SREK1IP1: variants seen among roughly 807,000 people sequenced by gnomAD.
SREK1IP1 encodes the protein SREK1 interacting protein 1.
In SREK1IP1, 12 loss-of-function variants were observed where a neutral mutation model predicts 22.8. That is an observed-to-expected ratio of 0.53 (90% confidence interval 0.34 to 0.85). SREK1IP1 has a LOEUF of 0.85. Among genes scored for constraint, SREK1IP1 ranks in the 40% least tolerant of loss-of-function variants. The pLI, the probability that SREK1IP1 is intolerant of heterozygous loss-of-function variation, is 0.02. For synonymous variants in SREK1IP1, 53 were observed against 52.7 expected (o/e 1.01, Z -0.02); for missense variants, 147 against 171.8 (o/e 0.86, Z 0.81).
chr5:64,757,679 G>T (rs889957308), intron 1 of SREK1IP1, among the ~76,000 whole-genome samples: 1 of 151,972 alleles, frequency 6.6e-6, no homozygotes, highest in Non-Finnish European at 1.5e-5. Context: ...ACTTTTCATG[G>T]ATTTCTTATT....
intron 1 of SREK1IP1, among the ~76,000 whole-genome samples, chr5:64,766,890 A>G (rs1172848904): frequency 6.6e-6 from 1 of 152,240 alleles, no homozygotes; most frequent in Non-Finnish European, 1.5e-5. Flanking sequence ...AGTATCTGAC[A>G]TATTTGACTT....
At chr5:64,756,535 C>T (rs275823) in intron 1 of SREK1IP1, among the ~76,000 whole-genome samples, 95,156 of 152,182 alleles carry the variant, frequency 0.63, 31,616 homozygotes, top group African/African-American at 0.87. Flanking sequence ...ATTGTATGCA[C>T]ATATAGTTAA....
chr5:64,767,180 T>C (rs1172457442), intron 1 of SREK1IP1, among the ~76,000 whole-genome samples: 1 of 152,164 alleles, frequency 6.6e-6, no homozygotes, highest in Non-Finnish European at 1.5e-5. Context: ...CAGTCTCCTC[T>C]CCCTTCAAGC....
rs1186653493 is a variant in SREK1IP1, at chr5:64,727,553, A to ATTTTTTTTTTTT, written c.278+542_278+553dup. 3.4e-4 allele frequency: 29 copies of ATTTTTTTTTTTT among 84,674 alleles called. 1 individual carries two copies. Among genetic ancestry groups the ATTTTTTTTTTTT allele is most frequent in the African/African-American group, 1.6e-3 (29 of 18,214 alleles). 5.2% of individuals were successfully genotyped at this position (84,674 alleles called of 1,614,324 possible). On this transcript the variant is annotated intron_variant, in intron 4 of 4. Transcript: ENST00000513458. ...TACATATATATATATATATATATAT[A>ATTTTTTTTTTTT]TTTTTTTTTTTTTGGTGGGCGGGGG...
intron 1 of SREK1IP1, among the ~76,000 whole-genome samples, chr5:64,763,720 T>C (rs909912629): frequency 6.6e-6 from 1 of 152,210 alleles, no homozygotes; most frequent in African/African-American, 2.4e-5. Flanking sequence ...TTACCTATGA[T>C]GGGTATAACT....
At chr5:64,738,315 T>C (rs1742498095) in intron 3 of SREK1IP1, among the ~76,000 whole-genome samples, 3 of 152,210 alleles carry the variant, frequency 2.0e-5, no homozygotes, top group Non-Finnish European at 2.9e-5. Context: ...AAAGGAAGGC[T>C]AAAAATCAAA....
At chr5:64,766,689 C>T (rs561269011) in intron 1 of SREK1IP1, among the ~76,000 whole-genome samples, 2 of 152,282 alleles carry the variant, frequency 1.3e-5, no homozygotes, top group South Asian at 4.1e-4. Context: ...TTATCCTATA[C>T]GATGGCAAAA....
Position 64,720,332 on chromosome 5 carries a change from G to A in SREK1IP1, c.*4052C>T, listed in dbSNP as rs898168260. The A allele has an allele frequency of 6.7e-6, 1 of 149,186 alleles. No homozygotes were observed. 9.2% of individuals were successfully genotyped at this position (149,186 alleles called of 1,614,324 possible). A position where few individuals can be genotyped will look rare whatever the true frequency, so the allele number is the denominator to read the frequency against. On this transcript the variant is annotated 3_prime_UTR_variant, in exon 5 of 5. Coordinates refer to ENST00000513458, the MANE Select transcript of SREK1IP1 (RefSeq NM_173829.4). ...GATTTAGGTTACTGTGTAATTTTTGGAAATAATAATGAGACTGTAGAAAGA... is the reference window on the plus strand; with the variant it reads ...GATTTAGGTTACTGTGTAATTTTTGAAAATAATAATGAGACTGTAGAAAGA...
In SREK1IP1 at chr5:64,740,251, T is replaced by A. The variant is rs75100311; in HGVS notation, c.205+806A>T. On this transcript the variant is annotated intron_variant, in intron 3 of 4. Coordinates refer to ENST00000513458, the MANE Select transcript of SREK1IP1 (RefSeq NM_173829.4). The stretch of plus-strand genomic sequence containing the variant: ...AAATCTCTCTGAAACACACTAACAA[T>A]AGATCTCCTGGAAAAAAAATAAATG... 6.5e-3 allele frequency among the ~76,000 whole-genome samples: 993 copies of A among 152,020 alleles called. 7 individuals are homozygous for A. The highest frequency in any genetic ancestry group is 9.9e-3 in the Non-Finnish European group (675 of 67,906).
At chr5:64,744,179 G>C (rs1255053366) in intron 2 of SREK1IP1, among the ~76,000 whole-genome samples, 1 of 152,046 alleles carries the variant, frequency 6.6e-6, no homozygotes, top group Non-Finnish European at 1.5e-5. Flanking sequence ...TAAACACACT[G>C]TGCATGCTCA....
intron 2 of SREK1IP1, among the ~76,000 whole-genome samples, chr5:64,749,024 T>G (rs1456010068): frequency 6.7e-6 from 1 of 149,784 alleles, no homozygotes; most frequent in Non-Finnish European, 1.5e-5. Context: ...ACAAGTATAT[T>G]CTCCCCTTTC....
chr5:64,753,026 C>T lies in SREK1IP1; in HGVS notation c.61+1289G>A, dbSNP rs991643854. On this transcript the variant is annotated intron_variant, in intron 2 of 4. Coordinates refer to ENST00000513458, the MANE Select transcript of SREK1IP1 (RefSeq NM_173829.4). Reference sequence around the variant, plus strand: ...TTGACAAAACGATTTGCTGACTTGGCTTCTCCTAAAGAATTCTAATTACTG... The same window carrying T: ...TTGACAAAACGATTTGCTGACTTGGTTTCTCCTAAAGAATTCTAATTACTG... Among the ~76,000 whole-genome samples, 4 of 152,140 alleles carry T rather than the reference C, an allele frequency of 2.6e-5. No individual in the cohort carries two copies. In the South Asian group the frequency reaches 8.3e-4, roughly 32 times the overall value.
chr5:64,741,085 C>T lies in SREK1IP1; in HGVS notation c.177G>A (p.Leu59=), dbSNP rs1274093865. 2 of 1,611,840 alleles carry T rather than the reference C, an allele frequency of 1.2e-6. No individual in the cohort carries two copies. The highest frequency in any genetic ancestry group is 2.7e-5 in the African/African-American group (2 of 74,832). ...TTTCCTGTAATGCCTGCAATTTATT[C>T]AGTTCTTCATTCTCTTCATCGCTAT... ...SEDSDEENEE[L]NKLQALQEKR... is the part of the protein sequence containing the mutation. The change falls in exon 3 of 5, where the codon CTG becomes CTA. Residue 59 remains leucine (L), a synonymous_variant. Coordinates refer to ENST00000513458, the MANE Select transcript of SREK1IP1 (RefSeq NM_173829.4).
At chr5:64,749,696 C>G (rs1357884649) in intron 2 of SREK1IP1, among the ~76,000 whole-genome samples, 2 of 152,202 alleles carry the variant, frequency 1.3e-5, no homozygotes, top group Non-Finnish European at 2.9e-5. Flanking sequence ...CTGTCTCAGC[C>G]TCCCAAAGTG....
intron 2 of SREK1IP1, among the ~76,000 whole-genome samples, chr5:64,750,132 T>C (rs1742715718): frequency 1.3e-5 from 2 of 152,164 alleles, no homozygotes; most frequent in South Asian, 4.1e-4. Flanking sequence ...GGATAGCTTT[T>C]CTGGGTTCCC....
intron 1 of SREK1IP1, among the ~76,000 whole-genome samples, chr5:64,761,383 A>C (rs918704028): frequency 6.6e-6 from 1 of 152,238 alleles, no homozygotes; most frequent in African/African-American, 2.4e-5. Context: ...ACAGGGATAC[A>C]TTCTGAGAAA....
Position 64,741,218 on chromosome 5 carries a change from A to C in SREK1IP1, c.62-18T>G. ...GTGACCAGCTAAGTGAAACAAACAA[A>C]AAAAATGTGAGTGATAAAACTATAG... On this transcript the variant is annotated intron_variant, in intron 2 of 4. Transcript: ENST00000513458. The C allele has an allele frequency of 6.2e-7, 1 of 1,600,070 alleles. No individual in the cohort carries two copies.
At chr5:64,752,008 G>A (rs1742750218) in intron 2 of SREK1IP1, among the ~76,000 whole-genome samples, 1 of 151,932 alleles carries the variant, frequency 6.6e-6, no homozygotes, top group Admixed American at 6.6e-5. Flanking sequence ...ATGATTATTT[G>A]AGACATTTAT....
At chr5:64,742,471 T>C (rs1022791939) in intron 2 of SREK1IP1, among the ~76,000 whole-genome samples, 1 of 152,208 alleles carries the variant, frequency 6.6e-6, no homozygotes, top group Non-Finnish European at 1.5e-5. Flanking sequence ...CTATATTCAA[T>C]GTTCAAAACA....
Sources: gnomAD v4.1 joint callset for allele counts (sites outside exome capture counted in the v4.1 genomes callset) on GRCh38, gnomAD v4.1.1 for gene constraint, MANE v1.5 for transcripts, NCBI Gene and HGNC (gene_info 2026-07-23, HGNC 2026-07-21) for gene names.